Variants in FOCAD observed in about 807,000 individuals in gnomAD.
The protein encoded by FOCAD is KIAA1797.
FOCAD carries 198 observed loss-of-function variants against 225.6 expected under a neutral mutation model. That is an observed-to-expected ratio of 0.88 (90% CI 0.78 to 0.99). FOCAD has a LOEUF of 0.99. FOCAD is among the 50% of genes least tolerant of loss of function. The pLI is 0.00. For synonymous variants in FOCAD, 897 were observed against 755.0 expected, an observed-to-expected ratio of 1.19 and a Z score of -3.08; for missense variants, 2,713 against 2,123.6, an observed-to-expected ratio of 1.28 and a Z score of -5.46.
At chr9:20,687,320 T>A (rs1822727104) in intron 1 of FOCAD, among the ~76,000 whole-genome samples, 2 of 152,224 alleles carry the variant, frequency 1.3e-5, no homozygotes, top group African/African-American at 4.8e-5. Context: ...AGAAGGTATC[T>A]TCTAATCTCC....
intron 8 of FOCAD, 128 bp from the exon 9 acceptor site, chr9:20,778,553 G>A (rs534798626): frequency 1.2e-5 from 7 of 574,124 alleles, no homozygotes; most frequent in South Asian, 2.4e-5. Context: ...CACACTTGCT[G>A]TATAAATAAA....
chr9:20,961,081 T>C (rs1287460752), intron 35 of FOCAD, among the ~76,000 whole-genome samples: 2 of 152,018 alleles, frequency 1.3e-5, no homozygotes, highest in African/African-American at 2.4e-5. Flanking sequence ...GAGAAAATTT[T>C]TGCAATCTAC....
In FOCAD at chr9:20,888,141, T is replaced by TC. The variant is rs1256592752; in HGVS notation, c.2625+2911_2625+2912insC. Among the ~76,000 whole-genome samples, 61 of 137,012 alleles carry TC rather than the reference T, an allele frequency of 4.5e-4. 1 individual carries two copies. Among genetic ancestry groups the TC allele is most frequent in the South Asian group, 9.6e-4 (4 of 4,168 alleles). The allele number at this position is 137,012 out of a possible 152,430, so 89.9% of individuals were successfully genotyped here. A position where few individuals can be genotyped will look rare whatever the true frequency, so the allele number is the denominator to read the frequency against. On this transcript the variant is annotated intron_variant, in intron 21 of 43. Transcript: ENST00000338382. ...CATTTTCTTTTTTTTTTTTTCTTCT[T>TC]TTTTTTTTTTTTTTTGAGATGGAGT...
chr9:20,839,621 C>CT (rs962099242), intron 15 of FOCAD, among the ~76,000 whole-genome samples: 1 of 151,206 alleles, frequency 6.6e-6, no homozygotes, highest in African/African-American at 2.4e-5. Flanking sequence ...ATTACTTTCC[C>CT]TTTTTTTTGA....
At chr9:20,909,018 G>C (rs554292856) in intron 22 of FOCAD, among the ~76,000 whole-genome samples, 4 of 152,004 alleles carry the variant, frequency 2.6e-5, no homozygotes, top group Non-Finnish European at 4.4e-5. Flanking sequence ...GGCACCTGGA[G>C]AAAGGGATGA....
At chr9:20,972,220 ACAT>A (rs1839829469) in intron 35 of FOCAD, among the ~76,000 whole-genome samples, 1 of 152,170 alleles carries the variant, frequency 6.6e-6, no homozygotes, top group Non-Finnish European at 1.5e-5. Flanking sequence ...TATAGTGGTC[ACAT>A]CATTTTATAA....
At chr9:20,695,073 T>C (rs1823249208) in intron 1 of FOCAD, among the ~76,000 whole-genome samples, 1 of 152,220 alleles carries the variant, frequency 6.6e-6, no homozygotes. Flanking sequence ...TGTCCCAGAT[T>C]CTGGACTTGA....
chr9:20,757,103 A>G (rs1449300953), intron 5 of FOCAD, among the ~76,000 whole-genome samples: 3 of 151,992 alleles, frequency 2.0e-5, no homozygotes, highest in African/African-American at 7.3e-5. Flanking sequence ...CTAATTTTGT[A>G]TTTTTAGTAG....
chr9:20,920,982 T>A (rs945895813), intron 24 of FOCAD, among the ~76,000 whole-genome samples: 7 of 149,518 alleles, frequency 4.7e-5, no homozygotes, highest in East Asian at 2.0e-4. Context: ...AATTAAAAAA[T>A]AAATAAATAA....
At chr9:20,678,851 C>T (rs188355646) in intron 2 of FOCAD, among the ~76,000 whole-genome samples, 1 of 152,114 alleles carries the variant, frequency 6.6e-6, no homozygotes, top group African/African-American at 2.4e-5. Context: ...CTTTTTAATC[C>T]CTGCCCATAC....
intron 15 of FOCAD, among the ~76,000 whole-genome samples, chr9:20,855,339 T>G (rs1015633609): frequency 4.6e-5 from 7 of 151,694 alleles, no homozygotes; most frequent in African/African-American, 1.7e-4. Flanking sequence ...GAGATGAGAC[T>G]GGAGGAATAG....
chr9:20,680,281 C>A (rs902609254), upstream of FOCAD, among the ~76,000 whole-genome samples: 4 of 152,228 alleles, frequency 2.6e-5, no homozygotes, highest in African/African-American at 9.6e-5. Flanking sequence ...TGTTATTGTC[C>A]GGGTGCGATG....
chr9:20,708,600 T>C (rs1415330182), intron 1 of FOCAD, among the ~76,000 whole-genome samples: 1 of 151,820 alleles, frequency 6.6e-6, no homozygotes, highest in East Asian at 1.9e-4. Flanking sequence ...GGAGTCCCCG[T>C]TGCTACAAAA....
intron 35 of FOCAD, among the ~76,000 whole-genome samples, chr9:20,964,069 A>G (rs889956486): frequency 6.6e-6 from 1 of 151,918 alleles, no homozygotes; most frequent in Non-Finnish European, 1.5e-5. Context: ...TTTTTTCCTT[A>G]CAATAGCAGG....
At chr9:20,824,152 T>C (rs770478416) in intron 15 of FOCAD, among the ~76,000 whole-genome samples, 2 of 152,132 alleles carry the variant, frequency 1.3e-5, no homozygotes, top group African/African-American at 2.4e-5. Context: ...CAAGGGGCTA[T>C]TATAGCAGGA....
chr9:20,948,047 C>G (rs1421798362), intron 30 of FOCAD, among the ~76,000 whole-genome samples: 2 of 151,876 alleles, frequency 1.3e-5, no homozygotes, highest in Admixed American at 6.6e-5. Flanking sequence ...CTCACTGAAG[C>G]TGAATTCCTT....
chr9:20,714,409 G>C (rs1007752420), intron 1 of FOCAD, among the ~76,000 whole-genome samples: 1 of 152,028 alleles, frequency 6.6e-6, no homozygotes, highest in East Asian at 1.9e-4. Context: ...GTTAATCTAG[G>C]GCTGTTTATT....
intron 28 of FOCAD, among the ~76,000 whole-genome samples, chr9:20,940,331 T>G (rs1836520714): frequency 6.6e-6 from 1 of 150,758 alleles, no homozygotes; most frequent in Non-Finnish European, 1.5e-5. Context: ...TTGCTCAGGC[T>G]GGAGTGCAGT....
At chr9:20,927,489 G>C (rs765749312) in intron 26 of FOCAD, among the ~76,000 whole-genome samples, 1 of 151,504 alleles carries the variant, frequency 6.6e-6, no homozygotes, top group Non-Finnish European at 1.5e-5. Flanking sequence ...TTTGAAAACT[G>C]TTAAATACTC....
Sources: allele counts gnomAD v4.1 joint callset (sites outside exome capture counted in the v4.1 genomes callset), GRCh38; gene constraint gnomAD v4.1.1; transcripts MANE v1.5; gene names NCBI Gene and HGNC (gene_info 2026-07-23, HGNC 2026-07-21).